Variants in ARHGAP21 observed in about 807,000 individuals in gnomAD.
The protein encoded by ARHGAP21 is rho GTPase-activating protein 21.
ARHGAP21 carries 38 observed loss-of-function variants against 164.6 expected under a neutral mutation model. That is an observed-to-expected ratio of 0.23 (90% CI 0.18 to 0.30). The LOEUF (loss-of-function observed/expected upper bound fraction) is 0.30, where lower values mean the gene tolerates loss of function less well. Ranked by LOEUF, ARHGAP21 falls within the 10% of genes least tolerant of loss-of-function variation. The pLI is 1.00. For missense variants in ARHGAP21, 1,822 were observed against 2,370.7 expected (o/e 0.77, Z 4.81); for synonymous variants, 766 against 857.9 (o/e 0.89, Z 1.87).
At chr10:24,648,476 T>G (rs1396066084) in intron 4 of ARHGAP21, among the ~76,000 whole-genome samples, 1 of 152,158 alleles carries the variant, frequency 6.6e-6, no homozygotes, top group Non-Finnish European at 1.5e-5. Context: ...CATCTTCTTT[T>G]TAAAAATACA....
Position 24,654,490 on chromosome 10 carries a change from G to A in ARHGAP21, c.268+12495C>T, listed in dbSNP as rs569179035. On this transcript the variant is annotated intron_variant, in intron 4 of 25. Transcript: ENST00000396432. ...CATTCCTATACACCAATAACAGACA[G>A]CCAAATCATGAGTGAACTCCCATTC... Among the ~76,000 whole-genome samples, 48 of 152,014 alleles carry A rather than the reference G, an allele frequency of 3.2e-4. No homozygotes were observed. The South Asian group carries it at 9.4e-3, about 30-fold the overall frequency.
chr10:24,594,596 C>T lies in ARHGAP21; in HGVS notation c.3876+354G>A, dbSNP rs75614845. On this transcript the variant is annotated intron_variant, in intron 21 of 25. Transcript: ENST00000396432. The stretch of plus-strand genomic sequence containing the variant: ...GTTAAAAGGAATGAAAATGACTTAT[C>T]TGTTTATGTCTGTTTTCCCTGTATT... Among the ~76,000 whole-genome samples the T allele has an allele frequency of 1.6e-3, 225 of 141,562 alleles. 1 individual carries two copies. The highest frequency in any genetic ancestry group is 5.7e-3 in the African/African-American group (219 of 38,556). 92.9% of individuals were successfully genotyped at this position (141,562 alleles called of 152,430 possible).
chr10:24,630,751 C>T (rs1045506853), intron 6 of ARHGAP21, among the ~76,000 whole-genome samples: 14 of 152,138 alleles, frequency 9.2e-5, no homozygotes, highest in Non-Finnish European at 1.6e-4. Flanking sequence ...CTTCAGCCTC[C>T]CAAAGTGCTG....
At chr10:24,603,260 G>A (rs1424163346) in intron 12 of ARHGAP21, among the ~76,000 whole-genome samples, 6 of 152,070 alleles carry the variant, frequency 3.9e-5, no homozygotes. Context: ...AAGAAAGTGT[G>A]GCAAGATGGA....
intron 2 of ARHGAP21, among the ~76,000 whole-genome samples, chr10:24,682,569 C>A (rs1188218934): frequency 6.6e-6 from 1 of 152,060 alleles, no homozygotes; most frequent in Non-Finnish European, 1.5e-5. Flanking sequence ...ACGTTGTGAA[C>A]TAAAGGGTTG....
chr10:24,670,195 G>T, intron 3 of ARHGAP21, 23 bp downstream of exon 3: 1 of 1,504,856 alleles, frequency 6.6e-7, no homozygotes, highest in Non-Finnish European at 8.9e-7. Context: ...TTTTTTTCAA[G>T]TTGCGGTAAC....
chr10:24,699,060 C>T (rs1230961454), intron 2 of ARHGAP21, among the ~76,000 whole-genome samples: 1 of 152,132 alleles, frequency 6.6e-6, no homozygotes, highest in Non-Finnish European at 1.5e-5. Context: ...ATCTGCCCTT[C>T]GAAAGTGTTT....
At chr10:24,722,776 C>T (rs1846057148) in intron 1 of ARHGAP21, 1 of 152,100 alleles carries the variant, frequency 6.6e-6, no homozygotes, top group African/African-American at 2.4e-5. Flanking sequence ...TCCGCCCCTC[C>T]GCCCCGGCCG....
intron 14 of ARHGAP21, 127 bp from the exon 15 acceptor site, chr10:24,598,136 G>C: frequency 1.4e-6 from 1 of 699,560 alleles, no homozygotes; most frequent in Non-Finnish European, 2.3e-6. Flanking sequence ...GTTCTCAGTG[G>C]AGCTGTTTCA....
At position 24,670,378 on chromosome 10, in the gene ARHGAP21, C is replaced by T. The variant is rs920088623; in HGVS notation, c.83G>A (p.Gly28Glu). The stretch of plus-strand genomic sequence containing the variant: ...TGATACAGTTTCACTTTGTTCTTTT[C>T]CATCTTTATTTTTTGAGACCTAAAG... ...KACEVSKNKDGKEQSETVSLS... is the reference protein window; with the variant it reads ...KACEVSKNKDEKEQSETVSLS... The change falls in exon 3 of 26, where the codon GGA becomes GAA. Residue 28 changes from glycine to glutamate, a missense_variant. By Grantham distance (98) the Gly-to-Glu change is moderately conservative (BLOSUM62 -2). This residue lies in a region of ARHGAP21 where 1,090 missense variants were observed against 1,378.9 expected (regional missense o/e 0.79). Transcript: ENST00000396432. The T allele has an allele frequency of 3.1e-6, 5 of 1,590,586 alleles. No homozygotes were observed. In the African/African-American group the frequency reaches 5.4e-5, roughly 17 times the overall value.
At chr10:24,648,936 A>T (rs1837882194) in intron 4 of ARHGAP21, 1 of 837,588 alleles carries the variant, frequency 1.2e-6, no homozygotes, top group Admixed American at 6.2e-5. Flanking sequence ...CCACCTGTCC[A>T]CTAGAGAAAA....
intron 2 of ARHGAP21, among the ~76,000 whole-genome samples, chr10:24,714,756 C>T (rs1199914480): frequency 3.3e-5 from 5 of 151,996 alleles, no homozygotes; most frequent in East Asian, 3.9e-4. Context: ...GTTTTTTGGC[C>T]GGGCACGGTG....
At chr10:24,681,518 T>C (rs1011961301) in intron 2 of ARHGAP21, among the ~76,000 whole-genome samples, 2 of 152,182 alleles carry the variant, frequency 1.3e-5, no homozygotes, top group African/African-American at 4.8e-5. Flanking sequence ...ATTCCAGGAA[T>C]CATTCATAAG....
chr10:24,620,555 A>G lies in ARHGAP21; in HGVS notation c.1340T>C (p.Val447Ala). ...TTGCCGTATCTGGACAGACTGGGGC[A>G]CTCGATCATGAGAGGTGCTTCGACG... ...GRRRSTSHDR[V>A]PQSVQIRQRS... The change falls in exon 9 of 26, where the codon GTG (valine) becomes GCG (alanine). Residue 447 changes from valine to alanine, a missense_variant. Physicochemically the swap from Val to Ala is moderately conservative, Grantham distance 64. Around this residue, in one of 5 missense-constraint regions of ARHGAP21, gnomAD observed 1,090 missense variants for 1,378.9 expected, o/e 0.79. Transcript: ENST00000396432. 1 of 1,614,026 alleles carries G rather than the reference A, an allele frequency of 6.2e-7. No individual in the cohort carries two copies. Among genetic ancestry groups the G allele is most frequent in the East Asian group, 2.2e-5 (1 of 44,870 alleles).
intron 2 of ARHGAP21, among the ~76,000 whole-genome samples, chr10:24,713,264 C>A (rs2132263165): frequency 6.6e-6 from 1 of 152,298 alleles, no homozygotes; most frequent in South Asian, 2.1e-4. Context: ...GTGCTGCATA[C>A]ATAGCACTAC....
At chr10:24,710,891 C>T (rs974920149) in intron 2 of ARHGAP21, among the ~76,000 whole-genome samples, 1 of 151,880 alleles carries the variant, frequency 6.6e-6, no homozygotes, top group African/African-American at 2.4e-5. Flanking sequence ...GTCAGGAGTT[C>T]GAGAACAGCA....
At chr10:24,641,186 T>C (rs1355389109) in intron 4 of ARHGAP21, among the ~76,000 whole-genome samples, 2 of 152,218 alleles carry the variant, frequency 1.3e-5, no homozygotes, top group Non-Finnish European at 2.9e-5. Flanking sequence ...AGAGACACAA[T>C]GTCCAACATT....
chr10:24,649,248 A>C (rs992871412), intron 4 of ARHGAP21, among the ~76,000 whole-genome samples: 5 of 152,346 alleles, frequency 3.3e-5, no homozygotes, highest in African/African-American at 1.2e-4. Context: ...ACCATAGTGT[A>C]TATACATGTA....
chr10:24,706,901 T>C (rs1044329640), intron 2 of ARHGAP21, among the ~76,000 whole-genome samples: 10 of 152,208 alleles, frequency 6.6e-5, no homozygotes, highest in Non-Finnish European at 1.5e-4. Context: ...AGTCATTCAA[T>C]GAAAACACAA....
Sources: gnomAD v4.1 joint callset for allele counts (sites outside exome capture counted in the v4.1 genomes callset) on GRCh38, gnomAD v4.1.1 for gene constraint, gnomAD v4.1.1 regional missense constraint, MANE v1.5 for transcripts, NCBI Gene and HGNC (gene_info 2026-07-23, HGNC 2026-07-21) for gene names.